CCDC33: variants seen among roughly 807,000 people sequenced by gnomAD.
CCDC33 encodes coiled-coil domain-containing protein 33.
Under a neutral mutation model 91.9 loss-of-function variants are expected in CCDC33, and 94 were observed. The ratio of observed to expected loss-of-function variants is 1.02; its 90% CI spans 0.87 to 1.21. CCDC33 has a LOEUF of 1.21. Among genes scored for constraint, CCDC33 ranks in the 50% most tolerant of loss-of-function variants. CCDC33 has a pLI of 0.00. For missense variants in CCDC33, 940 were observed against 935.5 expected, an observed-to-expected ratio of 1.00 and a Z score of -0.06; for synonymous variants, 396 against 374.5, an observed-to-expected ratio of 1.06 and a Z score of -0.66.
chr15:74,327,271 A>T (rs368990646), intron 11 of CCDC33, among the ~76,000 whole-genome samples: 11 of 152,250 alleles, frequency 7.2e-5, no homozygotes, highest in African/African-American at 2.6e-4. Context: ...ACCAGAAGCC[A>T]TGCTCTCCCT....
chr15:74,217,090 GA>G (rs990821669), upstream of CCDC33: 4 of 301,304 alleles, frequency 1.3e-5, no homozygotes, highest in African/African-American at 4.4e-5. Flanking sequence ...GGGATCGATG[GA>G]AAAAAACTTC....
chr15:74,236,537 G>C lies in CCDC33; in HGVS notation c.-183G>C. On this transcript the variant is annotated 5_prime_UTR_variant, in exon 1 of 19. Transcript: ENST00000398814. ...ACCCTCCCCCTCCCCCCACATCCAGGCCCCAGGGCTGGTGTGTGGCACCCC... is the reference window on the plus strand; with the variant it reads ...ACCCTCCCCCTCCCCCCACATCCAGCCCCCAGGGCTGGTGTGTGGCACCCC... 4.9e-6 allele frequency: 2 copies of C among 409,004 alleles called. No individual in the cohort carries two copies. Among genetic ancestry groups the C allele is most frequent in the Non-Finnish European group, 4.4e-6 (1 of 225,682 alleles). The allele number at this position is 409,004 out of a possible 1,614,324, so 25.3% of individuals were successfully genotyped here. A position where few individuals can be genotyped will look rare whatever the true frequency, so the allele number is the denominator to read the frequency against.
At chr15:74,277,221 A>G (rs2076472012) in intron 7 of CCDC33, among the ~76,000 whole-genome samples, 1 of 152,228 alleles carries the variant, frequency 6.6e-6, no homozygotes, top group Admixed American at 6.5e-5. Flanking sequence ...CCCAAAGAGG[A>G]GAAGGGACTT....
At chr15:74,306,469 G>A (rs887553503) in intron 11 of CCDC33, among the ~76,000 whole-genome samples, 1 of 152,186 alleles carries the variant, frequency 6.6e-6, no homozygotes, top group Non-Finnish European at 1.5e-5. Flanking sequence ...TTGGTGGAAG[G>A]GAAATGAAAT....
chr15:74,335,461 G>C, intron 18 of CCDC33: 2 of 498,892 alleles, frequency 4.0e-6, no homozygotes, highest in South Asian at 5.3e-5. Context: ...TGAATCCATA[G>C]AGCCTAAGAT....
Position 74,236,613 on chromosome 15 carries a change from C to A in CCDC33, c.-107C>A. 1 of 1,002,942 alleles carries A rather than the reference C, an allele frequency of 1.0e-6. No individual in the cohort carries two copies. Among genetic ancestry groups the A allele is most frequent in the South Asian group, 1.5e-5 (1 of 68,272 alleles). 62.1% of individuals were successfully genotyped at this position (1,002,942 alleles called of 1,614,324 possible). ...TCTACTACCCATAAGGACTCCAAGACGCCCAGGCCAGCTGTCTGGGCAGGA... is the reference window on the plus strand; with the variant it reads ...TCTACTACCCATAAGGACTCCAAGAAGCCCAGGCCAGCTGTCTGGGCAGGA... On this transcript the variant is annotated 5_prime_UTR_variant, in exon 1 of 19. Transcript: ENST00000398814.
chr15:74,220,781 G>C (rs2074568153), intron 2 of CCDC33, among the ~76,000 whole-genome samples: 1 of 152,176 alleles, frequency 6.6e-6, no homozygotes, highest in East Asian at 1.9e-4. Context: ...AGTGGGGGGA[G>C]AGTCAGCAAT....
intron 2 of CCDC33, among the ~76,000 whole-genome samples, chr15:74,257,197 A>T (rs2075891952): frequency 6.6e-6 from 1 of 152,210 alleles, no homozygotes; most frequent in Admixed American, 6.5e-5. Context: ...TTAATAAATG[A>T]AACCCAGGAT....
At chr15:74,286,829 G>A (rs1358162625) in intron 10 of CCDC33, among the ~76,000 whole-genome samples, 1 of 152,096 alleles carries the variant, frequency 6.6e-6, no homozygotes, top group African/African-American at 2.4e-5. Flanking sequence ...TGCATTTGAG[G>A]AGAGGTGGCA....
At chr15:74,332,938 A>G (rs2060471809) in intron 16 of CCDC33, 93 bp downstream of exon 16, 6 of 1,467,044 alleles carry the variant, frequency 4.1e-6, no homozygotes, top group Non-Finnish European at 3.7e-6. Flanking sequence ...CAAGACCAGG[A>G]GCTAAGCTTC....
At chr15:74,314,966 C>T (rs2060062900) in intron 11 of CCDC33, among the ~76,000 whole-genome samples, 1 of 152,228 alleles carries the variant, frequency 6.6e-6, no homozygotes, top group Admixed American at 6.5e-5. Flanking sequence ...CAGCAAAAAC[C>T]ACCTCAGCCC....
Position 74,241,463 on chromosome 15 carries a change from G to T in CCDC33, c.22-2522G>T, listed in dbSNP as rs146793798. Among the ~76,000 whole-genome samples the T allele has an allele frequency of 4.9e-3, 741 of 152,286 alleles. 8 individuals carry two copies. Among genetic ancestry groups the T allele is most frequent in the African/African-American group, 0.017 (708 of 41,558 alleles). On this transcript the variant is annotated intron_variant, in intron 1 of 18. Coordinates refer to ENST00000398814, the MANE Select transcript of CCDC33 (RefSeq NM_025055.5). The stretch of plus-strand genomic sequence containing the variant: ...GGGAGCTTGGTAGGTGTGAGAAACA[G>T]CCAGGAGGCCAGTGTGGCTGGAGCG...
At chr15:74,261,912 G>A (rs2076034275) in intron 2 of CCDC33, among the ~76,000 whole-genome samples, 1 of 152,242 alleles carries the variant, frequency 6.6e-6, no homozygotes, top group Non-Finnish European at 1.5e-5. Context: ...GAAGGCAGCA[G>A]GATGTGCGTG....
intron 11 of CCDC33, among the ~76,000 whole-genome samples, chr15:74,305,130 A>G (rs2059870112): frequency 6.6e-6 from 1 of 152,106 alleles, no homozygotes; most frequent in Non-Finnish European, 1.5e-5. Flanking sequence ...TATTTTTAGT[A>G]GAGACAAGGT....
chr15:74,253,082 A>C (rs889375333), intron 2 of CCDC33, among the ~76,000 whole-genome samples: 1 of 152,060 alleles, frequency 6.6e-6, no homozygotes, highest in Admixed American at 6.6e-5. Flanking sequence ...GTTCTCCCCC[A>C]CAGGCTTCTT....
chr15:74,311,787 A>G (rs1050355871), intron 11 of CCDC33: 3 of 152,234 alleles, frequency 2.0e-5, no homozygotes, highest in Admixed American at 6.5e-5. Flanking sequence ...GCAGTCACTC[A>G]TATTAGCCAG....
chr15:74,330,588 T>A, intron 12 of CCDC33, 75 bp from the exon 13 acceptor site: 1 of 1,282,454 alleles, frequency 7.8e-7, no homozygotes, highest in South Asian at 1.2e-5. Context: ...GATATCTGCC[T>A]TCCTGCTACT....
At position 74,244,272 on chromosome 15, in the gene CCDC33, G is replaced by A. The variant is rs2142272548; in HGVS notation, c.185+124G>A. The A allele has an allele frequency of 1.6e-6, 2 of 1,284,564 alleles. No homozygotes were observed. Among genetic ancestry groups the A allele is most frequent in the South Asian group, 1.6e-5 (1 of 62,936 alleles). The allele number at this position is 1,284,564 out of a possible 1,614,324, so 79.6% of individuals were successfully genotyped here. On this transcript the variant is annotated intron_variant, in intron 2 of 18. Transcript: ENST00000398814. This position sits in a 1 kb window ranked among gnomAD's most constrained non-coding sequence, Gnocchi z 4.2. ...CTGGGACTGTCATACCCAGAGGGGA[G>A]GAGCTGCTGTGGGCACTACCTGGCA...
chr15:74,276,950 GTGTC>G (rs759521456), intron 7 of CCDC33, among the ~76,000 whole-genome samples: 2,663 of 152,152 alleles, frequency 0.018, 26 homozygotes, highest in Middle Eastern at 0.027. Context: ...TTGTGTGTGT[GTGTC>G]TGTCTGTCTG....
Sources: gnomAD v4.1 joint callset for allele counts (sites outside exome capture counted in the v4.1 genomes callset) on GRCh38, gnomAD v4.1.1 for gene constraint, Gnocchi (gnomAD v3.1) non-coding constraint, MANE v1.5 for transcripts, NCBI Gene and HGNC (gene_info 2026-07-23, HGNC 2026-07-21) for gene names.